NT5DC1: variants seen among roughly 807,000 people sequenced by gnomAD.
The protein encoded by NT5DC1 is 5'-nucleotidase domain containing 1.
In NT5DC1, 42 loss-of-function variants were observed where a neutral mutation model predicts 59.4. The ratio of observed to expected loss-of-function variants is 0.71; its 90% confidence interval spans 0.55 to 0.92. The LOEUF (loss-of-function observed/expected upper bound fraction) is 0.92. NT5DC1 is among the 40% of genes least tolerant of loss of function. The pLI is 0.00. For synonymous variants in NT5DC1, 172 were observed against 188.1 expected (o/e 0.91, Z 0.70); for missense variants, 501 against 537.1 (o/e 0.93, Z 0.66).
At chr6:116,181,133 A>C (rs1278483100) in intron 6 of NT5DC1, among the ~76,000 whole-genome samples, 1 of 152,066 alleles carries the variant, frequency 6.6e-6, no homozygotes, top group Admixed American at 6.6e-5. Context: ...TAATTATTGA[A>C]GTCGAGTGAT....
At chr6:116,212,727 C>G in intron 6 of NT5DC1, among the ~76,000 whole-genome samples, 1 of 152,108 alleles carries the variant, frequency 6.6e-6, no homozygotes, top group East Asian at 1.9e-4. Flanking sequence ...CCAGGATATT[C>G]ATTTTTTACT....
At chr6:116,237,337 AAAAC>A (rs756835656) in intron 9 of NT5DC1, 90 of 601,248 alleles carry the variant, frequency 1.5e-4, no homozygotes, top group Non-Finnish European at 2.5e-4. Flanking sequence ...TTCCATATAT[AAAAC>A]AAACAACTGA....
chr6:116,224,742 C>A (rs1051389013), intron 8 of NT5DC1, among the ~76,000 whole-genome samples: 11 of 152,234 alleles, frequency 7.2e-5, no homozygotes, highest in Non-Finnish European at 1.2e-4. Context: ...CAGGCACCCG[C>A]ATAAGCGGTG....
At chr6:116,140,126 A>G (rs371510571) in intron 6 of NT5DC1, among the ~76,000 whole-genome samples, 34 of 152,156 alleles carry the variant, frequency 2.2e-4, no homozygotes, top group Non-Finnish European at 4.4e-4. Flanking sequence ...CCGCCCTCCT[A>G]TGGACACCAA....
chr6:116,146,194 T>A (rs1488397047), intron 6 of NT5DC1, among the ~76,000 whole-genome samples: 1 of 152,196 alleles, frequency 6.6e-6, no homozygotes. Context: ...TCCCTGGGGA[T>A]ATGATAAAGG....
chr6:116,204,138 A>C lies in NT5DC1; in HGVS notation c.530-16916A>C, dbSNP rs114912785. ...AGGGAGAGGACGATGCACTGCTGTG[A>C]GCCTGAAGGCTTTTGGTGGGGTAAG... On this transcript the variant is annotated intron_variant, in intron 6 of 11. Coordinates refer to ENST00000319550, the MANE Select transcript of NT5DC1 (RefSeq NM_152729.3). Among the ~76,000 whole-genome samples the C allele has an allele frequency of 8.7e-3, 1,320 of 152,030 alleles. 19 individuals carry two copies. The highest frequency in any genetic ancestry group is 0.03 in the African/African-American group (1,258 of 41,534).
chr6:116,141,926 ACT>A (rs1491054332), intron 6 of NT5DC1, among the ~76,000 whole-genome samples: 1 of 148,808 alleles, frequency 6.7e-6, no homozygotes, highest in African/African-American at 2.5e-5. Context: ...ACACACACAC[ACT>A]GTAAATGTGA....
rs1026819437 is a variant in NT5DC1, at chr6:116,245,594, A to C, written c.*1570A>C. 2.0e-5 allele frequency: 3 copies of C among 152,380 alleles called. No homozygotes were observed. The highest frequency in any genetic ancestry group is 7.2e-5 in the African/African-American group (3 of 41,474). The allele number at this position is 152,380 out of a possible 1,614,324, so 9.4% of individuals were successfully genotyped here. On this transcript the variant is annotated 3_prime_UTR_variant, in exon 12 of 12. Coordinates refer to ENST00000319550, the MANE Select transcript of NT5DC1 (RefSeq NM_152729.3). ...ATGTCACTGGAATATTACAATGAGC[A>C]TAAATAATCAAGCTTAGGACTAAAT...
intron 8 of NT5DC1, among the ~76,000 whole-genome samples, chr6:116,229,892 A>G (rs1185839928): frequency 9.9e-5 from 15 of 152,154 alleles, no homozygotes; most frequent in Admixed American, 9.8e-4. Flanking sequence ...TGAGTCTCAT[A>G]CGCAGTTCCT....
At chr6:116,107,449 A>G (rs1412873799) in intron 2 of NT5DC1, among the ~76,000 whole-genome samples, 2 of 151,778 alleles carry the variant, frequency 1.3e-5, no homozygotes, top group Non-Finnish European at 2.9e-5. Context: ...ATTCATAATA[A>G]TGAATCTGTA....
chr6:116,116,780 A>G (rs1315812333), intron 5 of NT5DC1, among the ~76,000 whole-genome samples: 1 of 152,160 alleles, frequency 6.6e-6, no homozygotes, highest in East Asian at 1.9e-4. Flanking sequence ...TCTTAATAAC[A>G]CAAGATGGAG....
intron 6 of NT5DC1, among the ~76,000 whole-genome samples, chr6:116,219,550 C>T (rs1455477219): frequency 3.3e-5 from 5 of 152,178 alleles, no homozygotes; most frequent in African/African-American, 9.6e-5. Context: ...AGATGAAACC[C>T]GAAACAATAT....
chr6:116,123,851 A>G (rs970454473), intron 6 of NT5DC1, among the ~76,000 whole-genome samples: 5 of 152,234 alleles, frequency 3.3e-5, no homozygotes, highest in African/African-American at 1.2e-4. Context: ...GAGAAGATCA[A>G]AGTATTTTTA....
At chr6:116,122,065 A>G in intron 6 of NT5DC1, 2 of 992,580 alleles carry the variant, frequency 2.0e-6, no homozygotes, top group Admixed American at 1.7e-5. Flanking sequence ...ATATTTCAGC[A>G]TCATTTATTC....
chr6:116,182,222 A>AGTGTGTGTGTGT (rs35883565), intron 6 of NT5DC1, among the ~76,000 whole-genome samples: 3,052 of 124,616 alleles, frequency 0.024, 107 homozygotes, highest in African/African-American at 0.083. Context: ...TTCCATGGAG[A>AGTGTGTGTGTGT]GTGTGTGTGT....
intron 6 of NT5DC1, among the ~76,000 whole-genome samples, chr6:116,179,172 G>T (rs1780818112): frequency 1.3e-5 from 2 of 152,074 alleles, no homozygotes; most frequent in African/African-American, 4.8e-5. Flanking sequence ...CTTTATAGAA[G>T]AATTCTAGCT....
chr6:116,135,085 T>C (rs1779556720), intron 6 of NT5DC1, among the ~76,000 whole-genome samples: 1 of 152,216 alleles, frequency 6.6e-6, no homozygotes, highest in Non-Finnish European at 1.5e-5. Flanking sequence ...ATTCAACTCT[T>C]CAATGTATTA....
intron 8 of NT5DC1, among the ~76,000 whole-genome samples, chr6:116,234,247 A>C (rs984989123): frequency 2.0e-5 from 3 of 151,964 alleles, no homozygotes; most frequent in Non-Finnish European, 4.4e-5. Context: ...GGTGTGAGCC[A>C]CCATGCCTGG....
At chr6:116,204,124 G>A (rs1015338939) in intron 6 of NT5DC1, among the ~76,000 whole-genome samples, 1 of 151,918 alleles carries the variant, frequency 6.6e-6, no homozygotes, top group Non-Finnish European at 1.5e-5. Context: ...GGGAGAGGAC[G>A]ATGCACTGCT....
Sources: gnomAD v4.1 joint callset for allele counts (sites outside exome capture counted in the v4.1 genomes callset) on GRCh38, gnomAD v4.1.1 for gene constraint, MANE v1.5 for transcripts, NCBI Gene and HGNC (gene_info 2026-07-23, HGNC 2026-07-21) for gene names.